The following ACSS3 variants were observed in gnomAD, a reference collection of about 807,000 sequenced individuals.
ACSS3 encodes acyl-CoA synthetase short chain family member 3.
ACSS3 carries 64 observed loss-of-function variants against 84.2 expected under a neutral mutation model. The ratio of observed to expected loss-of-function variants is 0.76; its 90% CI spans 0.62 to 0.94. ACSS3 has a LOEUF of 0.94. Among genes scored for constraint, ACSS3 ranks in the 40% least tolerant of loss-of-function variants. The pLI is 0.00. For synonymous variants in ACSS3, 317 were observed against 310.1 expected (o/e 1.02, Z -0.23); for missense variants, 815 against 867.6 (o/e 0.94, Z 0.76).
At chr12:81,151,383 T>C (rs1196788085) in intron 5 of ACSS3, among the ~76,000 whole-genome samples, 1 of 152,196 alleles carries the variant, frequency 6.6e-6, no homozygotes, top group African/African-American at 2.4e-5. Context: ...AGTTAGAATA[T>C]GACTTTGTTT....
At chr12:81,200,670 A>T (rs1284574861) in intron 9 of ACSS3, among the ~76,000 whole-genome samples, 1 of 152,064 alleles carries the variant, frequency 6.6e-6, no homozygotes, top group Admixed American at 6.6e-5. Context: ...CAGGCAGATC[A>T]CTTGAGATCA....
At chr12:81,163,341 A>G (rs986234406) in intron 7 of ACSS3, among the ~76,000 whole-genome samples, 3 of 152,208 alleles carry the variant, frequency 2.0e-5, no homozygotes, top group African/African-American at 7.2e-5. Flanking sequence ...ATTTCCTATC[A>G]TCATAATGTT....
At chr12:81,178,139 A>G (rs2030632502) in intron 8 of ACSS3, among the ~76,000 whole-genome samples, 1 of 151,686 alleles carries the variant, frequency 6.6e-6, no homozygotes, top group Non-Finnish European at 1.5e-5. Context: ...CAGCCATAAA[A>G]AATGATGAGT....
chr12:81,151,275 G>T (rs2135753160), intron 5 of ACSS3, among the ~76,000 whole-genome samples: 1 of 152,192 alleles, frequency 6.6e-6, no homozygotes, highest in East Asian at 1.9e-4. Flanking sequence ...CAACTCACTG[G>T]AATTCAGCCC....
rs1428115311 is a variant in ACSS3, at chr12:81,152,085, G to A, written c.1087G>A (p.Val363Ile). The A allele has an allele frequency of 1.2e-6, 2 of 1,610,938 alleles. No homozygotes were observed. Among genetic ancestry groups the A allele is most frequent in the Non-Finnish European group, 1.7e-6 (2 of 1,178,414 alleles). ...ACCTCTTCTTCATGGGAACACAACA[G>A]TTTTATATGAGGTAATAAAGTAAAG... ...YGPLLHGNTT[V>I]LYEGKPVGTP... The change falls in exon 7 of 16, where the codon GTT becomes ATT. Residue 363 changes from valine to isoleucine, a missense_variant. Physicochemically the swap from Val to Ile is conservative, Grantham distance 29 (BLOSUM62 3). Transcript: ENST00000548058.
At chr12:81,223,672 A>G (rs1174560940) in intron 11 of ACSS3, among the ~76,000 whole-genome samples, 1 of 152,034 alleles carries the variant, frequency 6.6e-6, no homozygotes, top group Admixed American at 6.6e-5. Context: ...CCTGAGGGAA[A>G]GAAATTATGG....
chr12:81,094,180 C>CTGTG (rs371392868), intron 1 of ACSS3, among the ~76,000 whole-genome samples: 1,419 of 132,916 alleles, frequency 0.011, 11 homozygotes, highest in Non-Finnish European at 0.012. Flanking sequence ...CTCTGTCTCT[C>CTGTG]TCTCTGTGTG....
At chr12:81,093,916 T>G (rs1881842912) in intron 1 of ACSS3, among the ~76,000 whole-genome samples, 1 of 152,182 alleles carries the variant, frequency 6.6e-6, no homozygotes, top group South Asian at 2.1e-4. Context: ...AGAAATGGAA[T>G]TGTACTATCC....
At chr12:81,089,192 C>T (rs563891783) in intron 1 of ACSS3, among the ~76,000 whole-genome samples, 4 of 152,018 alleles carry the variant, frequency 2.6e-5, no homozygotes, top group African/African-American at 9.6e-5. Flanking sequence ...GAAATTTACT[C>T]CTCCAACCTC....
intron 9 of ACSS3, among the ~76,000 whole-genome samples, chr12:81,211,613 C>A (rs904257280): frequency 6.6e-6 from 1 of 152,142 alleles, no homozygotes; most frequent in Non-Finnish European, 1.5e-5. Flanking sequence ...ATCTATTAAC[C>A]AGTTATTCTA....
intron 9 of ACSS3, among the ~76,000 whole-genome samples, chr12:81,216,309 A>C (rs10862266): frequency 0.18 from 26,844 of 150,228 alleles, 2,593 homozygotes; most frequent in Middle Eastern, 0.22. Context: ...GTGGGGTTGG[A>C]GGAGGGGGGA....
chr12:81,086,772 C>T (rs115279829), intron 1 of ACSS3, among the ~76,000 whole-genome samples: 1 of 152,112 alleles, frequency 6.6e-6, no homozygotes, highest in Non-Finnish European at 1.5e-5. Context: ...CAAGCTGCAA[C>T]TCCATGAGGG....
chr12:81,098,031 C>T (rs182202323), intron 1 of ACSS3, among the ~76,000 whole-genome samples: 1 of 152,044 alleles, frequency 6.6e-6, no homozygotes, highest in Admixed American at 6.5e-5. Flanking sequence ...GCATGTTCTA[C>T]CCATGTATGG....
upstream of ACSS3, chr12:81,077,956 G>T: frequency 1.3e-6 from 1 of 760,894 alleles, no homozygotes; most frequent in Non-Finnish European, 2.0e-6. Flanking sequence ...TTCTCTGGTC[G>T]CTCCAGGTCG....
chr12:81,182,865 C>A lies in ACSS3; in HGVS notation c.1250+7926C>A, dbSNP rs1319397315. ...CCACTTTATCCAACCATGCCTTATGCACATTTATTTACCTAAATGCTTGTC... is the reference window on the plus strand; with the variant it reads ...CCACTTTATCCAACCATGCCTTATGAACATTTATTTACCTAAATGCTTGTC... On this transcript the variant is annotated intron_variant, in intron 8 of 15. Transcript: ENST00000548058. Among the ~76,000 whole-genome samples the A allele has an allele frequency of 2.0e-5, 3 of 152,112 alleles. No homozygotes were observed. The East Asian group carries it at 5.8e-4, about 29-fold the overall frequency.
intron 1 of ACSS3, among the ~76,000 whole-genome samples, chr12:81,109,007 T>C (rs1158758804): frequency 6.6e-6 from 1 of 152,230 alleles, no homozygotes; most frequent in Non-Finnish European, 1.5e-5. Flanking sequence ...CCCTTCTTTA[T>C]TCAAATTATG....
At chr12:81,199,648 C>G in intron 9 of ACSS3, 1 of 1,486,802 alleles carries the variant, frequency 6.7e-7, no homozygotes, top group Non-Finnish European at 9.0e-7. Context: ...CCACCATTCT[C>G]TTGGTCCCTA....
chr12:81,193,842 T>C (rs909098476), intron 8 of ACSS3, among the ~76,000 whole-genome samples: 2 of 151,902 alleles, frequency 1.3e-5, no homozygotes, highest in Non-Finnish European at 2.9e-5. Context: ...ATGTGGCTAG[T>C]AGCTACTACA....
intron 11 of ACSS3, among the ~76,000 whole-genome samples, chr12:81,223,264 G>C (rs573989931): frequency 6.6e-6 from 1 of 152,150 alleles, no homozygotes; most frequent in East Asian, 1.9e-4. Context: ...GCAAGCCATG[G>C]TGGGGTGCAA....
Sources: gnomAD v4.1 joint callset for allele counts (sites outside exome capture counted in the v4.1 genomes callset) on GRCh38, gnomAD v4.1.1 for gene constraint, MANE v1.5 for transcripts, NCBI Gene and HGNC (gene_info 2026-07-23, HGNC 2026-07-21) for gene names.